GLI2: variants seen among roughly 807,000 people sequenced by gnomAD.
GLI2 encodes GLI family zinc finger 2.
GLI2 carries 22 observed loss-of-function variants against 78.9 expected under a neutral mutation model. That is an observed-to-expected ratio of 0.28 (90% CI 0.20 to 0.40). GLI2 has a LOEUF of 0.40. Ranked by LOEUF, GLI2 falls within the 10% of genes least tolerant of loss-of-function variation. The probability of loss-of-function intolerance (pLI) is 1.00; values close to 1 mark genes in which losing one functional copy is unlikely to be tolerated. For synonymous variants in GLI2, 974 were observed against 963.7 expected, an observed-to-expected ratio of 1.01 and a Z score of -0.20; for missense variants, 2,097 against 2,213.2, an observed-to-expected ratio of 0.95 and a Z score of 1.05.
At chr2:120,776,214 G>A (rs1399887157) in intron 1 of GLI2, among the ~76,000 whole-genome samples, 3 of 152,212 alleles carry the variant, frequency 2.0e-5, no homozygotes, top group East Asian at 1.9e-4. Context: ...TTTAATCTTC[G>A]CAGCACCGGA....
chr2:120,865,685 G>T (rs1249113896), intron 2 of GLI2, among the ~76,000 whole-genome samples: 1 of 152,188 alleles, frequency 6.6e-6, no homozygotes, highest in Non-Finnish European at 1.5e-5. Context: ...CTGAAGCAGC[G>T]TCTGGTTTGA....
rs116897860 is a variant in GLI2, at chr2:120,809,279, G to A, written c.148+11811G>A. Among the ~76,000 whole-genome samples the A allele has an allele frequency of 2.5e-4, 38 of 152,304 alleles. No individual in the cohort carries two copies. In the East Asian group the frequency reaches 6.9e-3, roughly 28 times the overall value. On this transcript the variant is annotated intron_variant, in intron 2 of 13. Coordinates refer to ENST00000361492, the MANE Select transcript of GLI2 (RefSeq NM_001374353.1). ...AGCCGGGCATAAAAGCACAAATATT[G>A]TAGGATTCCATTCCCATGAATTGTC...
At chr2:120,817,724 C>T (rs895478848) in intron 2 of GLI2, among the ~76,000 whole-genome samples, 11 of 152,206 alleles carry the variant, frequency 7.2e-5, no homozygotes, top group Non-Finnish European at 1.3e-4. Context: ...CATCCACTGG[C>T]CTGCCTGGTG....
intron 1 of GLI2, among the ~76,000 whole-genome samples, chr2:120,781,700 T>C (rs1683854812): frequency 6.6e-6 from 1 of 152,144 alleles, no homozygotes; most frequent in South Asian, 2.1e-4. Flanking sequence ...CTGGCCAACA[T>C]GGGGAAACCC....
intron 2 of GLI2, among the ~76,000 whole-genome samples, chr2:120,828,497 T>G (rs1269371571): frequency 6.6e-6 from 1 of 152,240 alleles, no homozygotes; most frequent in East Asian, 1.9e-4. Flanking sequence ...TGAGGTTATT[T>G]TGGGAAGTAG....
At chr2:120,839,493 C>T (rs1686766671) in intron 2 of GLI2, among the ~76,000 whole-genome samples, 1 of 152,006 alleles carries the variant, frequency 6.6e-6, no homozygotes, top group Non-Finnish European at 1.5e-5. Context: ...TAACTATATC[C>T]CCTTTTTCAT....
intron 2 of GLI2, among the ~76,000 whole-genome samples, chr2:120,817,687 A>G (rs538868817): frequency 3.4e-4 from 51 of 152,100 alleles, no homozygotes; most frequent in Middle Eastern, 3.4e-3. Context: ...CCAGACCCCT[A>G]TATCTGTCTC....
chr2:120,919,233 A>G (rs748556955), intron 2 of GLI2, among the ~76,000 whole-genome samples: 5 of 152,266 alleles, frequency 3.3e-5, no homozygotes, highest in African/African-American at 4.8e-5. Context: ...AAGGAATTCT[A>G]AGTTAAAGGA....
intron 2 of GLI2, chr2:120,866,278 G>T (rs75901374): frequency 1.2e-4 from 19 of 152,536 alleles, no homozygotes; most frequent in Admixed American, 1.1e-3. Context: ...GGAGAGCTAC[G>T]GGACAGGTCA....
intron 2 of GLI2, among the ~76,000 whole-genome samples, chr2:120,850,262 T>G (rs1403897834): frequency 6.6e-6 from 1 of 151,806 alleles, no homozygotes; most frequent in East Asian, 1.9e-4. Context: ...TAACCAAGAA[T>G]AAAGTAACGC....
chr2:120,745,571 G>C (rs1464602784), intron 1 of GLI2, among the ~76,000 whole-genome samples: 1 of 152,158 alleles, frequency 6.6e-6, no homozygotes, highest in Admixed American at 6.5e-5. Context: ...TTTCACTACT[G>C]TCCTGCAGGC....
At chr2:120,841,889 G>GTGTGTGTGTGTGTGTGTGTGTGT (rs1558827926) in intron 2 of GLI2, among the ~76,000 whole-genome samples, 15 of 150,064 alleles carry the variant, frequency 1.0e-4, no homozygotes, top group Non-Finnish European at 1.5e-4. Flanking sequence ...GTGTGTGTGT[G>GTGTGTGTGTGTGTGTGTGTGTGT]ATGCTGGGCT....
At chr2:120,932,440 T>C (rs1383173502) in intron 3 of GLI2, among the ~76,000 whole-genome samples, 2 of 151,910 alleles carry the variant, frequency 1.3e-5, no homozygotes, top group East Asian at 3.9e-4. Flanking sequence ...TCCAGAGAGG[T>C]GTTCCCTGCA....
chr2:120,912,530 C>T (rs1160379502), intron 2 of GLI2, among the ~76,000 whole-genome samples: 3 of 152,048 alleles, frequency 2.0e-5, no homozygotes, highest in Admixed American at 6.6e-5. Context: ...TGTTTCCATG[C>T]GCCACAGTGG....
chr2:120,933,418 T>A (rs1680037683), intron 3 of GLI2, among the ~76,000 whole-genome samples: 1 of 152,050 alleles, frequency 6.6e-6, no homozygotes, highest in Non-Finnish European at 1.5e-5. Flanking sequence ...CAGGGGTGTG[T>A]GATTGCTGGT....
intron 9 of GLI2, among the ~76,000 whole-genome samples, chr2:120,975,314 A>G (rs892596767): frequency 1.3e-5 from 2 of 152,274 alleles, no homozygotes; most frequent in African/African-American, 4.8e-5. Flanking sequence ...TACATATGTA[A>G]TACAAACAAT....
At chr2:120,890,289 G>A (rs1677614630) in intron 2 of GLI2, among the ~76,000 whole-genome samples, 1 of 152,150 alleles carries the variant, frequency 6.6e-6, no homozygotes, top group African/African-American at 2.4e-5. Flanking sequence ...CAGATCAATG[G>A]TTTCCAGGGT....
intron 2 of GLI2, among the ~76,000 whole-genome samples, chr2:120,855,897 C>T (rs1284415281): frequency 6.6e-6 from 1 of 152,192 alleles, no homozygotes; most frequent in African/African-American, 2.4e-5. Flanking sequence ...CAGGAAGGCA[C>T]ACATATGTTC....
intron 2 of GLI2, among the ~76,000 whole-genome samples, chr2:120,920,955 G>C (rs780727653): frequency 1.3e-5 from 2 of 150,804 alleles, no homozygotes. Context: ...GTAAGGGTCT[G>C]GCTCAGGATG....
Sources: gnomAD v4.1 joint callset for allele counts (sites outside exome capture counted in the v4.1 genomes callset) on GRCh38, gnomAD v4.1.1 for gene constraint, MANE v1.5 for transcripts, NCBI Gene and HGNC (gene_info 2026-07-23, HGNC 2026-07-21) for gene names.